The following GCH1 variants were observed in gnomAD, a reference collection of about 807,000 sequenced individuals.
The protein encoded by GCH1 is GTP cyclohydrolase I.
Under a neutral mutation model 25.9 loss-of-function variants are expected in GCH1, and 5 were observed. That is an observed-to-expected ratio of 0.19 (90% CI 0.10 to 0.41). GCH1 has a LOEUF of 0.41. Ranked by LOEUF, GCH1 falls within the 10% of genes least tolerant of loss-of-function variation. The pLI, the probability that GCH1 is intolerant of heterozygous loss-of-function variation, is 1.00. For missense variants in GCH1, 261 were observed against 336.5 expected, an observed-to-expected ratio of 0.78 and a Z score of 1.75; for synonymous variants, 159 against 129.6, an observed-to-expected ratio of 1.23 and a Z score of -1.54.
intron 1 of GCH1, among the ~76,000 whole-genome samples, chr14:54,866,945 C>T (rs188063753): frequency 6.6e-6 from 1 of 152,292 alleles, no homozygotes; most frequent in East Asian, 1.9e-4. Flanking sequence ...ATTTCTTCTA[C>T]CACAGCACTT....
intron 4 of GCH1, among the ~76,000 whole-genome samples, chr14:54,846,170 C>G (rs1425281931): frequency 6.6e-6 from 1 of 152,180 alleles, no homozygotes; most frequent in African/African-American, 2.4e-5. Context: ...TTACCAAGCA[C>G]CTCCATGGAG....
chr14:54,895,567 T>G (rs112162885), intron 1 of GCH1, among the ~76,000 whole-genome samples: 18 of 152,282 alleles, frequency 1.2e-4, no homozygotes, highest in African/African-American at 3.9e-4. Flanking sequence ...CCTCAGAGAA[T>G]AGCAGACTCT....
At chr14:54,851,807 C>T (rs570317739) in intron 3 of GCH1, among the ~76,000 whole-genome samples, 17 of 152,296 alleles carry the variant, frequency 1.1e-4, no homozygotes, top group South Asian at 1.0e-3. Context: ...TTGTGGAAGA[C>T]GGTGTGGCGA....
intron 1 of GCH1, among the ~76,000 whole-genome samples, chr14:54,888,039 GCAA>G (rs753664938): frequency 7.2e-5 from 11 of 152,244 alleles, no homozygotes; most frequent in South Asian, 2.1e-4. Flanking sequence ...TTTGGTAGAA[GCAA>G]CAACAACATT....
At chr14:54,877,788 C>T (rs1456613828) in intron 1 of GCH1, among the ~76,000 whole-genome samples, 1 of 152,160 alleles carries the variant, frequency 6.6e-6, no homozygotes, top group African/African-American at 2.4e-5. Flanking sequence ...AGCCACCATG[C>T]CTGGCCCCCA....
chr14:54,845,189 T>C lies in GCH1; in HGVS notation c.626+579A>G, dbSNP rs187844010. ...CCCTGTCTTGAGCATTTTTAAAAAA[T>C]GGCGATTGAGCTGGGCGCAGGGGCT... On this transcript the variant is annotated intron_variant, in intron 5 of 5. Coordinates refer to ENST00000491895, the MANE Select transcript of GCH1 (RefSeq NM_000161.3). 1.3e-3 allele frequency among the ~76,000 whole-genome samples: 196 copies of C among 150,770 alleles called. No homozygotes were observed. The Middle Eastern group carries it at 0.021, about 16-fold the overall frequency.
At chr14:54,854,335 A>C (rs2140054870) in intron 3 of GCH1, among the ~76,000 whole-genome samples, 1 of 152,302 alleles carries the variant, frequency 6.6e-6, no homozygotes, top group Middle Eastern at 3.4e-3. Context: ...TCCCTCCAGG[A>C]GGAAGATAAG....
intron 3 of GCH1, among the ~76,000 whole-genome samples, chr14:54,851,405 C>A (rs2039728267): frequency 1.3e-5 from 2 of 152,148 alleles, no homozygotes; most frequent in South Asian, 4.1e-4. Flanking sequence ...TTCTGCACAG[C>A]AAAAGAAACT....
chr14:54,854,120 CT>C (rs1472002860), intron 3 of GCH1, among the ~76,000 whole-genome samples: 1 of 152,202 alleles, frequency 6.6e-6, no homozygotes, highest in East Asian at 1.9e-4. Context: ...AGATTTTCAA[CT>C]TGTAGATTTG....
At chr14:54,875,008 T>G (rs531470451) in intron 1 of GCH1, among the ~76,000 whole-genome samples, 1 of 152,120 alleles carries the variant, frequency 6.6e-6, no homozygotes, top group African/African-American at 2.4e-5. Context: ...AGAGACCGCA[T>G]TGCCAAGTCA....
intron 1 of GCH1, among the ~76,000 whole-genome samples, chr14:54,873,356 G>A (rs1218434171): frequency 6.6e-6 from 1 of 152,142 alleles, no homozygotes; most frequent in Non-Finnish European, 1.5e-5. Context: ...TGTGTAGAGG[G>A]AAATTTATAG....
intron 1 of GCH1, among the ~76,000 whole-genome samples, chr14:54,888,282 C>G (rs762155663): frequency 1.4e-4 from 22 of 152,130 alleles, no homozygotes; most frequent in Non-Finnish European, 2.5e-4. Flanking sequence ...TAGGGCCTTG[C>G]CTGTCAGCTG....
chr14:54,895,549 A>T (rs2040473185), intron 1 of GCH1, among the ~76,000 whole-genome samples: 1 of 152,208 alleles, frequency 6.6e-6, no homozygotes, highest in Admixed American at 6.5e-5. Flanking sequence ...GGGCATGAAG[A>T]TCAAGGCCCT....
chr14:54,844,411 T>G (rs1049788799), intron 5 of GCH1, among the ~76,000 whole-genome samples: 1 of 152,238 alleles, frequency 6.6e-6, no homozygotes, highest in African/African-American at 2.4e-5. Flanking sequence ...TATCAGTAGT[T>G]GATCCTTAAA....
At chr14:54,845,970 G>C in intron 4 of GCH1, 118 bp from the exon 5 acceptor site, 1 of 732,340 alleles carries the variant, frequency 1.4e-6, no homozygotes, top group Non-Finnish European at 2.5e-6. Context: ...TAAGAGCCAA[G>C]ACACACCAGC....
intron 1 of GCH1, chr14:54,885,375 C>A: frequency 3.8e-6 from 1 of 260,056 alleles, no homozygotes; most frequent in South Asian, 5.2e-5. Flanking sequence ...GGTCCAGGGT[C>A]TGCCTGATCT....
At chr14:54,893,041 C>T (rs527604849) in intron 1 of GCH1, among the ~76,000 whole-genome samples, 4 of 150,786 alleles carry the variant, frequency 2.7e-5, no homozygotes, top group Non-Finnish European at 5.9e-5. Context: ...ATCATGCCAC[C>T]GCACTCCAGC....
chr14:54,850,324 T>TTC (rs2039708880), intron 3 of GCH1, among the ~76,000 whole-genome samples: 3 of 133,946 alleles, frequency 2.2e-5, no homozygotes, highest in East Asian at 2.1e-4. Context: ...TTTTTTTTTT[T>TTC]CCCCCGAGAC....
intron 1 of GCH1, among the ~76,000 whole-genome samples, chr14:54,884,057 A>G (rs2040312390): frequency 6.6e-6 from 1 of 152,212 alleles, no homozygotes; most frequent in Non-Finnish European, 1.5e-5. Flanking sequence ...TTAGAAATCA[A>G]TGTCTAGGGT....
Sources: gnomAD v4.1 joint callset for allele counts (sites outside exome capture counted in the v4.1 genomes callset) on GRCh38, gnomAD v4.1.1 for gene constraint, MANE v1.5 for transcripts, NCBI Gene and HGNC (gene_info 2026-07-23, HGNC 2026-07-21) for gene names.